Variants in PLA2G5 observed in about 807,000 individuals in gnomAD.
PLA2G5 encodes the protein Ca2+-dependent phospholipase A2.
PLA2G5 carries 12 observed loss-of-function variants against 15.9 expected under a neutral mutation model. The ratio of observed to expected loss-of-function variants is 0.76; its 90% CI spans 0.48 to 1.23. The LOEUF is 1.23. Ranked by LOEUF, PLA2G5 falls within the 50% of genes most tolerant of loss-of-function variation. The pLI is 0.00. For synonymous variants in PLA2G5, 71 were observed against 71.4 expected (o/e 0.99, Z 0.03); for missense variants, 169 against 177.1 (o/e 0.95, Z 0.26).
intron 2 of PLA2G5, among the ~76,000 whole-genome samples, chr1:20,061,945 G>A (rs2014756105): frequency 6.6e-6 from 1 of 152,222 alleles, no homozygotes; most frequent in Non-Finnish European, 1.5e-5. Flanking sequence ...GGAGCCTGGT[G>A]GGAGGTGTTC....
chr1:20,071,586 T>C (rs753721523), intron 1 of PLA2G5, among the ~76,000 whole-genome samples: 1 of 151,892 alleles, frequency 6.6e-6, no homozygotes, highest in Non-Finnish European at 1.5e-5. Flanking sequence ...GGGCAGGGGG[T>C]TGATCCAGTT....
chr1:20,029,738 A>G (rs182204390), intron 1 of PLA2G5, among the ~76,000 whole-genome samples: 1 of 152,306 alleles, frequency 6.6e-6, no homozygotes, highest in East Asian at 1.9e-4. Flanking sequence ...GATGATGTGT[A>G]TAGTTAGTCT....
rs2100658425 is a variant in PLA2G5 at position 20,091,671 on chromosome 1, G to A, written c.*979G>A. 6.6e-6 allele frequency among the ~76,000 whole-genome samples: 1 copy of A among 152,016 alleles called. No individual in the cohort carries two copies. The highest frequency in any genetic ancestry group is 1.5e-5 in the Non-Finnish European group (1 of 67,994). On this transcript the variant is annotated 3_prime_UTR_variant, in exon 5 of 5. Transcript: ENST00000375108. ...AGCTGTGGGGTTTATTTTTTACAAA[G>A]TAAGGACATTAAAAAAACCAACCCG...
At position 20,033,650 on chromosome 1, in the gene PLA2G5, T is replaced by G. The variant is rs145110208; in HGVS notation, n.276+4941T>G. ...TTGTTTTGAGAGGTATGCAATAGTT[T>G]GTGGGGTGTTGCTGTATGTTTGGCA... On this transcript the variant is annotated intron_variant and non_coding_transcript_variant, in intron 1 of 6. Coordinates refer to the PLA2G5 transcript ENST00000460175. Among the ~76,000 whole-genome samples the G allele has an allele frequency of 7.4e-3, 1,133 of 152,244 alleles. 18 individuals carry two copies. Among genetic ancestry groups the G allele is most frequent in the African/African-American group, 0.026 (1,071 of 41,544 alleles).
Position 20,044,371 on chromosome 1 carries a change from G to GGT in PLA2G5, n.277-15260_277-15259insTG, listed in dbSNP as rs1239118521. Among the ~76,000 whole-genome samples, 5 of 151,944 alleles carry GGT rather than the reference G, an allele frequency of 3.3e-5. No individual in the cohort carries two copies. The East Asian group carries it at 9.7e-4, about 29-fold the overall frequency. On this transcript the variant is annotated intron_variant and non_coding_transcript_variant, in intron 1 of 6. Coordinates refer to the PLA2G5 transcript ENST00000460175. ...GCAAGGATGATTAATTCCTGTTGTG[G>GGT]GGGGGGTTTGAGGTCTGGATTCTAA...
At chr1:20,057,235 T>G (rs1043565515) in intron 1 of PLA2G5, among the ~76,000 whole-genome samples, 9 of 152,090 alleles carry the variant, frequency 5.9e-5, no homozygotes, top group Non-Finnish European at 1.3e-4. Context: ...TTTTTGTTAT[T>G]TCTTTTCTTC....
intron 1 of PLA2G5, among the ~76,000 whole-genome samples, chr1:20,030,479 C>T (rs945061253): frequency 1.3e-5 from 2 of 151,950 alleles, no homozygotes; most frequent in African/African-American, 4.8e-5. Context: ...AATGTATGAT[C>T]GAGTTTTACA....
At position 20,054,055 on chromosome 1, in the gene PLA2G5, T is replaced by G. The variant is rs559653718; in HGVS notation, n.277-5577T>G. ...ATGCTGTTTGGACCATGTTCCTATG[T>G]GAAGATCATAACCCTCCACTTGGTC... On this transcript the variant is annotated intron_variant and non_coding_transcript_variant, in intron 1 of 6. Transcript: ENST00000460175. Among the ~76,000 whole-genome samples, 12 of 151,892 alleles carry G rather than the reference T, an allele frequency of 7.9e-5. 1 individual carries two copies. In the South Asian group the frequency reaches 2.5e-3, roughly 32 times the overall value.
At chr1:20,059,908 T>G (rs958195246) in intron 2 of PLA2G5, among the ~76,000 whole-genome samples, 1 of 152,178 alleles carries the variant, frequency 6.6e-6, no homozygotes, top group African/African-American at 2.4e-5. Context: ...AGCCGTTCCC[T>G]TAACAGATCA....
chr1:20,068,597 A>G (rs1171759428), upstream of PLA2G5, among the ~76,000 whole-genome samples: 1 of 151,752 alleles, frequency 6.6e-6, no homozygotes, highest in East Asian at 1.9e-4. Context: ...GATTACAGGC[A>G]TGTGCCACCA....
Position 20,076,285 on chromosome 1 carries a change from T to A in PLA2G5, c.-11+5820T>A, listed in dbSNP as rs374122134. Among the ~76,000 whole-genome samples the A allele has an allele frequency of 2.0e-4, 24 of 117,940 alleles. 1 individual carries two copies. The highest frequency in any genetic ancestry group is 1.9e-3 in the East Asian group (8 of 4,146). 77.4% of individuals were successfully genotyped at this position (117,940 alleles called of 152,430 possible). A position where few individuals can be genotyped will look rare whatever the true frequency, so the allele number is the denominator to read the frequency against. Reference sequence around the variant, plus strand: ...AAGCAAAGCATTTCTTAGGGCTGTATGGAGCCCTGGGCTGAAAGTTTATAA... The same window carrying A: ...AAGCAAAGCATTTCTTAGGGCTGTAAGGAGCCCTGGGCTGAAAGTTTATAA... On this transcript the variant is annotated intron_variant, in intron 1 of 4. Transcript: ENST00000375108.
chr1:20,048,566 G>T (rs532562043), intron 1 of PLA2G5, among the ~76,000 whole-genome samples: 56 of 152,310 alleles, frequency 3.7e-4, no homozygotes, highest in Non-Finnish European at 6.3e-4. Flanking sequence ...AGACAGTAAG[G>T]TTTGTTTTGG....
chr1:20,050,965 T>C (rs2014150846), intron 1 of PLA2G5, among the ~76,000 whole-genome samples: 1 of 152,158 alleles, frequency 6.6e-6, no homozygotes, highest in Admixed American at 6.5e-5. Context: ...TGTGTTTGGT[T>C]TTCTTTGGGT....
chr1:20,046,440 A>G (rs2013906039), intron 1 of PLA2G5, among the ~76,000 whole-genome samples: 1 of 152,184 alleles, frequency 6.6e-6, no homozygotes, highest in South Asian at 2.1e-4. Flanking sequence ...TTCTGTGTTT[A>G]CTTCCTATCT....
At chr1:20,046,577 C>T (rs2013917362) in intron 1 of PLA2G5, among the ~76,000 whole-genome samples, 1 of 152,214 alleles carries the variant, frequency 6.6e-6, no homozygotes, top group South Asian at 2.1e-4. Context: ...AACAAAGGCA[C>T]CAATCACCCC....
At chr1:20,038,930 G>GT (rs1258460376) in intron 1 of PLA2G5, among the ~76,000 whole-genome samples, 3 of 152,324 alleles carry the variant, frequency 2.0e-5, no homozygotes, top group Non-Finnish European at 4.4e-5. Context: ...CACAATGGGG[G>GT]TAACAGCTGA....
In PLA2G5 at chr1:20,070,466, G is replaced by C; in HGVS notation, c.-11+1G>C. 2 of 985,452 alleles carry C rather than the reference G, an allele frequency of 2.0e-6. No homozygotes were observed. Among genetic ancestry groups the C allele is most frequent in the Non-Finnish European group, 2.4e-6 (2 of 830,100 alleles). 61.0% of individuals were successfully genotyped at this position (985,452 alleles called of 1,614,324 possible). A position where few individuals can be genotyped will look rare whatever the true frequency, so the allele number is the denominator to read the frequency against. ...CAGGATTTGAGGCCAGGCCAAAGAGGTTAGTTACTGATGGGGGCTGCATAA... is the reference window on the plus strand; with the variant it reads ...CAGGATTTGAGGCCAGGCCAAAGAGCTTAGTTACTGATGGGGGCTGCATAA... On this transcript the variant is annotated splice_donor_variant, in intron 1 of 4. Coordinates refer to ENST00000375108, the MANE Select transcript of PLA2G5 (RefSeq NM_000929.3). LOFTEE classifies it low-confidence loss of function (5UTR_SPLICE).
At chr1:20,068,884 G>C, upstream of PLA2G5, 3 of 1,252,360 alleles carry the variant, frequency 2.4e-6, no homozygotes, top group South Asian at 3.8e-5. Flanking sequence ...CGCTGATACA[G>C]AAGCCTGAGG....
intron 1 of PLA2G5, among the ~76,000 whole-genome samples, chr1:20,037,489 C>T (rs191540244): frequency 6.6e-6 from 1 of 152,246 alleles, no homozygotes; most frequent in Non-Finnish European, 1.5e-5. Context: ...CTGTGAGGGT[C>T]CTTGGTTGTA....
Sources: gnomAD v4.1 joint callset for allele counts (sites outside exome capture counted in the v4.1 genomes callset) on GRCh38, gnomAD v4.1.1 for gene constraint, MANE v1.5 for transcripts, NCBI Gene and HGNC (gene_info 2026-07-23, HGNC 2026-07-21) for gene names.